Variants in CHAC1 observed in about 807,000 individuals in gnomAD.
The protein encoded by CHAC1 is glutathione-specific gamma-glutamylcyclotransferase 1.
A neutral mutation model predicts 22.1 loss-of-function variants in CHAC1; 22 were observed. The ratio of observed to expected loss-of-function variants is 1.00; its 90% CI spans 0.71 to 1.42. The LOEUF is 1.42. Among genes scored for constraint, CHAC1 ranks in the 40% most tolerant of loss-of-function variants. CHAC1 has a pLI of 0.00. For missense variants in CHAC1, 272 were observed against 299.2 expected (o/e 0.91, Z 0.67); for synonymous variants, 145 against 128.7 (o/e 1.13, Z -0.86).
rs1178798114 is a variant in CHAC1, at chr15:40,955,563, T to C, written c.458T>C (p.Leu153Pro). 1 of 1,614,142 alleles carries C rather than the reference T, an allele frequency of 6.2e-7. No individual in the cohort carries two copies. Among genetic ancestry groups the C allele is most frequent in the Non-Finnish European group, 8.5e-7 (1 of 1,180,040 alleles). ...YVATPQNPGY[L>P]GPAPEEAIAT... ...GCCACCCCACAGAACCCTGGTTACCTGGGCCCTGCGCCTGAAGAGGCCATT... is the reference window on the plus strand; with the variant it reads ...GCCACCCCACAGAACCCTGGTTACCCGGGCCCTGCGCCTGAAGAGGCCATT... The change falls in exon 3 of 3, where the codon CTG (leucine) becomes CCG (proline). Residue 153 changes from leucine to proline, a missense_variant. By Grantham distance (98) the Leu-to-Pro change is moderately conservative (BLOSUM62 -3). Coordinates refer to ENST00000617768, the MANE Select transcript of CHAC1 (RefSeq NM_024111.6).
chr15:40,954,227 G>T lies in CHAC1; in HGVS notation c.232-1G>T. On this transcript the variant is annotated splice_acceptor_variant, in intron 1 of 2. Transcript: ENST00000617768. LOFTEE classifies it high-confidence loss of function. ...TTTCAAAATATTTCTTCCCTCCCTA[G>T]CCTGGCCGTGTGGTGACGCTCCTTG... 2 of 1,614,070 alleles carry T rather than the reference G, an allele frequency of 1.2e-6. No individual in the cohort carries two copies. The highest frequency in any genetic ancestry group is 1.7e-6 in the Non-Finnish European group (2 of 1,180,002).
At position 40,953,661 on chromosome 15, in the gene CHAC1, C is replaced by T. The variant is rs377062318; in HGVS notation, c.78C>T (p.Asn26=). The T allele has an allele frequency of 3.1e-6, 5 of 1,608,966 alleles. No individual in the cohort carries two copies. Among genetic ancestry groups the T allele is most frequent in the Admixed American group, 1.7e-5 (1 of 60,010 alleles). ...CGCCGTCCGCTCAGTTCCCCCGAAA[C>T]GACGGCGACCCTCAAGCGCTGTGGA... The part of the protein sequence containing the change: ...SPTPSAQFPR[N]DGDPQALWIF... Residue 26 remains asparagine, a synonymous_variant, in exon 1 of 3, where the codon AAC becomes AAT. Coordinates refer to ENST00000617768, the MANE Select transcript of CHAC1 (RefSeq NM_024111.6).
Position 40,955,424 on chromosome 15 carries a change from G to A in CHAC1, c.319G>A (p.Ala107Thr). ...AGTGCAAGGGGAGCAGGTAAGCAAG[G>A]CCCTGAAGTACCTGAATGTGCGAGA... ...YQVQGEQVSK[A>T]LKYLNVREAV... The change falls in exon 3 of 3, where the codon GCC (alanine) becomes ACC (threonine). Residue 107 changes from alanine to threonine, a missense_variant. Transcript: ENST00000617768. 3 of 1,614,116 alleles carry A rather than the reference G, an allele frequency of 1.9e-6. No homozygotes were observed. The highest frequency in any genetic ancestry group is 2.5e-6 in the Non-Finnish European group (3 of 1,180,006).
In CHAC1 at chr15:40,956,013, G is replaced by A. The variant is rs1052333515; in HGVS notation, c.*239G>A. Reference sequence around the variant, plus strand: ...GGTGTGGTGGGCAGGTGGAGGGCCTGCCCTGGACACAGGGGCCCTGCTGAG... The same window carrying A: ...GGTGTGGTGGGCAGGTGGAGGGCCTACCCTGGACACAGGGGCCCTGCTGAG... On this transcript the variant is annotated 3_prime_UTR_variant, in exon 3 of 3. Transcript: ENST00000617768. 3.8e-6 allele frequency: 2 copies of A among 529,226 alleles called. No homozygotes were observed. Among genetic ancestry groups the A allele is most frequent in the East Asian group, 6.3e-5 (2 of 31,702 alleles). The allele number at this position is 529,226 out of a possible 1,614,324, so 32.8% of individuals were successfully genotyped here. A position where few individuals can be genotyped will look rare whatever the true frequency, so the allele number is the denominator to read the frequency against.
Position 40,953,502 on chromosome 15 carries a change from T to A in CHAC1, c.-82T>A, listed in dbSNP as rs1222237477. 1.3e-6 allele frequency: 2 copies of A among 1,586,774 alleles called. No homozygotes were observed. Among genetic ancestry groups the A allele is most frequent in the Admixed American group, 1.7e-5 (1 of 58,086 alleles). On this transcript the variant is annotated 5_prime_UTR_variant, in exon 1 of 3. Transcript: ENST00000617768. ...AGCTACCGAGCGGTGCCAGGCCAGG[T>A]GTGTGCGTCCGTCGGTCTTTCCGTG...
rs1347420418 is a variant in CHAC1 at position 40,954,260 on chromosome 15, T to C, written c.264T>C (p.His88=). ...GTGTGGTGACGCTCCTTGAAGATCATGAGGTAAGTGCCCGAATCATGAAGG... is the reference window on the plus strand; with the variant it reads ...GTGTGGTGACGCTCCTTGAAGATCACGAGGTAAGTGCCCGAATCATGAAGG... ...PGRVVTLLED[H]EGCTWGVAYQ... is the part of the protein sequence containing the mutation. Residue 88 remains histidine (H), a synonymous_variant, in exon 2 of 3, where the codon CAT becomes CAC. Transcript: ENST00000617768. 2 of 1,614,046 alleles carry C rather than the reference T, an allele frequency of 1.2e-6. No individual in the cohort carries two copies. The highest frequency in any genetic ancestry group is 4.5e-5 in the East Asian group (2 of 44,886).
intron 1 of CHAC1, 87 bp downstream of exon 1, chr15:40,953,901 G>T: frequency 9.6e-7 from 1 of 1,038,782 alleles, no homozygotes; most frequent in African/African-American, 1.6e-5. Flanking sequence ...GGGCTCTCTG[G>T]GCCAATAGAA....
At chr15:40,954,177 G>A (rs891705565) in intron 1 of CHAC1, 51 bp from the exon 2 acceptor site, 5 of 1,596,704 alleles carry the variant, frequency 3.1e-6, no homozygotes, top group Non-Finnish European at 8.6e-7. Flanking sequence ...CTTGCTGATG[G>A]CAGAGCTGAT....
chr15:40,955,388 G>T lies in CHAC1; in HGVS notation c.283G>T (p.Val95Leu), dbSNP rs1430982981. 1 of 1,613,878 alleles carries T rather than the reference G, an allele frequency of 6.2e-7. No individual in the cohort carries two copies. The highest frequency in any genetic ancestry group is 1.1e-5 in the South Asian group (1 of 91,080). ...LEDHEGCTWG[V>L]AYQVQGEQVS... ...TTCTTCCCAGGGCTGCACTTGGGGC[G>T]TGGCATACCAAGTGCAAGGGGAGCA... Residue 95 changes from valine (V) to leucine (L), a missense_variant, in exon 3 of 3, where the codon GTG becomes TTG. Transcript: ENST00000617768.
At chr15:40,954,039 A>ATC (rs3033592) in intron 1 of CHAC1, among the ~76,000 whole-genome samples, 189 bp from the exon 2 acceptor site, 135,928 of 152,070 alleles carry the variant, frequency 0.89, 62,240 homozygotes, top group Non-Finnish European at 0.99. Flanking sequence ...GACCACTGAC[A>ATC]TGTCAGTGTT....
rs780945495 is a variant in CHAC1 at position 40,953,497 on chromosome 15, C to T, written c.-87C>T. On this transcript the variant is annotated 5_prime_UTR_variant, in exon 1 of 3. Coordinates refer to ENST00000617768, the MANE Select transcript of CHAC1 (RefSeq NM_024111.6). The stretch of plus-strand genomic sequence containing the variant: ...GCTGGAGCTACCGAGCGGTGCCAGG[C>T]CAGGTGTGTGCGTCCGTCGGTCTTT... The T allele has an allele frequency of 5.1e-6, 8 of 1,579,362 alleles. No homozygotes were observed. Among genetic ancestry groups the T allele is most frequent in the African/African-American group, 2.7e-5 (2 of 74,282 alleles).
At chr15:40,954,948 T>G (rs949867655) in intron 2 of CHAC1, among the ~76,000 whole-genome samples, 5 of 144,868 alleles carry the variant, frequency 3.5e-5, no homozygotes, top group Non-Finnish European at 6.0e-5. Context: ...AGTCTTACCC[T>G]TGTCACCCAG....
In CHAC1 at chr15:40,954,138, C is replaced by G. The variant is rs1893175327; in HGVS notation, c.232-90C>G. 2.1e-6 allele frequency: 3 copies of G among 1,406,778 alleles called. No homozygotes were observed. The Admixed American group carries it at 5.2e-5, about 25-fold the overall frequency. The allele number at this position is 1,406,778 out of a possible 1,614,324, so 87.1% of individuals were successfully genotyped here. On this transcript the variant is annotated intron_variant, in intron 1 of 2. Coordinates refer to ENST00000617768, the MANE Select transcript of CHAC1 (RefSeq NM_024111.6). ...GCATGCAGAGTGGGGCACTTGGAGGCCCGGGTCAGCGGGATTGATAAAGGT... is the reference window on the plus strand; with the variant it reads ...GCATGCAGAGTGGGGCACTTGGAGGGCCGGGTCAGCGGGATTGATAAAGGT...
In CHAC1 at chr15:40,955,420, C is replaced by T. The variant is rs1245017412; in HGVS notation, c.315C>T (p.Ser105=). 6.2e-7 allele frequency: 1 copy of T among 1,614,110 alleles called. No homozygotes were observed. Among genetic ancestry groups the T allele is most frequent in the Admixed American group, 1.7e-5 (1 of 60,026 alleles). Residue 105 remains serine (S), a synonymous_variant, in exon 3 of 3, where the codon AGC becomes AGT. Transcript: ENST00000617768. ...VAYQVQGEQV[S]KALKYLNVRE... is the part of the protein sequence containing the mutation. ...ACCAAGTGCAAGGGGAGCAGGTAAG[C>T]AAGGCCCTGAAGTACCTGAATGTGC... is the stretch of plus-strand genomic sequence containing the variant.
At position 40,954,232 on chromosome 15, in the gene CHAC1, G is replaced by A; in HGVS notation, c.236G>A (p.Gly79Asp). Residue 79 changes from glycine to aspartate, a missense_variant, in exon 2 of 3, where the codon GGC becomes GAC. Physicochemically the swap from Gly to Asp is moderately conservative, Grantham distance 94. Coordinates refer to ENST00000617768, the MANE Select transcript of CHAC1 (RefSeq NM_024111.6). ...AAATATTTCTTCCCTCCCTAGCCTG[G>A]CCGTGTGGTGACGCTCCTTGAAGAT... ...TFHRGSDKMPGRVVTLLEDHE... is the reference protein window; with the variant it reads ...TFHRGSDKMPDRVVTLLEDHE... 6.2e-7 allele frequency: 1 copy of A among 1,614,054 alleles called. No homozygotes were observed. The highest frequency in any genetic ancestry group is 8.5e-7 in the Non-Finnish European group (1 of 1,179,996).
In CHAC1 at chr15:40,955,420, CA is replaced by C. The variant is rs1893218462; in HGVS notation, c.317del (p.Lys106ArgfsTer3). On this transcript the variant is annotated frameshift_variant, in exon 3 of 3. Coordinates refer to ENST00000617768, the MANE Select transcript of CHAC1 (RefSeq NM_024111.6). LOFTEE classifies it high-confidence loss of function. ...ACCAAGTGCAAGGGGAGCAGGTAAG[CA>C]AGGCCCTGAAGTACCTGAATGTGCG... ...AYQVQGEQVS[K>X]ALKYLNVREA... 6.2e-7 allele frequency: 1 copy of C among 1,613,992 alleles called. No individual in the cohort carries two copies. Among genetic ancestry groups the C allele is most frequent in the African/African-American group, 1.3e-5 (1 of 74,920 alleles).
chr15:40,955,649 C>G lies in CHAC1; in HGVS notation c.544C>G (p.Leu182Val). 1 of 1,613,154 alleles carries G rather than the reference C, an allele frequency of 6.2e-7. No individual in the cohort carries two copies. Among genetic ancestry groups the G allele is most frequent in the Non-Finnish European group, 8.5e-7 (1 of 1,180,034 alleles). Residue 182 changes from leucine (L) to valine (V), a missense_variant, in exon 3 of 3, where the codon CTG (leucine) becomes GTG (valine). Leu to Val is a conservative substitution (Grantham distance 32). Transcript: ENST00000617768. ...CCACAACCTTGAATACTTGCTGCGT[C>G]TGGCAGACTTCATGCAGCTCTGTGG... ...SGHNLEYLLR[L>V]ADFMQLCGPQ...
In CHAC1 at chr15:40,953,705, T is replaced by C. The variant is rs1189549253; in HGVS notation, c.122T>C (p.Leu41Pro). 1.9e-6 allele frequency: 3 copies of C among 1,606,540 alleles called. No homozygotes were observed. Among genetic ancestry groups the C allele is most frequent in the Admixed American group, 1.7e-5 (1 of 60,022 alleles). The stretch of plus-strand genomic sequence containing the variant: ...CTGTGGATTTTCGGGTACGGCTCCC[T>C]GGTGTGGAGGCCCGACTTCGCCTAC... ...QALWIFGYGS[L>P]VWRPDFAYSD... Residue 41 changes from leucine to proline, a missense_variant, in exon 1 of 3, where the codon CTG becomes CCG. Transcript: ENST00000617768.
chr15:40,955,837 A>C lies in CHAC1; in HGVS notation c.*63A>C. The C allele has an allele frequency of 1.4e-6, 2 of 1,477,000 alleles. No individual in the cohort carries two copies. Among genetic ancestry groups the C allele is most frequent in the Non-Finnish European group, 1.8e-6 (2 of 1,113,412 alleles). The allele number at this position is 1,477,000 out of a possible 1,614,324, so 91.5% of individuals were successfully genotyped here. A position where few individuals can be genotyped will look rare whatever the true frequency, so the allele number is the denominator to read the frequency against. ...CAGGGCCAGACACCCACTCCAGTGC[A>C]CAAGACAGACTTGCGACCGCTTGAG... On this transcript the variant is annotated 3_prime_UTR_variant, in exon 3 of 3. Transcript: ENST00000617768.
Sources: gnomAD v4.1 joint callset for allele counts (sites outside exome capture counted in the v4.1 genomes callset) on GRCh38, gnomAD v4.1.1 for gene constraint, MANE v1.5 for transcripts, NCBI Gene and HGNC (gene_info 2026-07-23, HGNC 2026-07-21) for gene names.